The following RUNDC3B variants were observed in gnomAD, a reference collection of about 807,000 sequenced individuals.
RUNDC3B encodes the protein RUN domain-containing protein 3B.
In RUNDC3B, 33 loss-of-function variants were observed where a neutral mutation model predicts 58.4. The ratio of observed to expected loss-of-function variants is 0.56; its 90% CI spans 0.43 to 0.75. The LOEUF is 0.75. RUNDC3B is among the 30% of genes least tolerant of loss of function. The pLI is 0.00. For missense variants in RUNDC3B, 501 were observed against 535.7 expected, an observed-to-expected ratio of 0.94 and a Z score of 0.64; for synonymous variants, 193 against 195.2, an observed-to-expected ratio of 0.99 and a Z score of 0.10.
chr7:87,749,717 GA>G (rs955330432), intron 6 of RUNDC3B, among the ~76,000 whole-genome samples: 4 of 151,946 alleles, frequency 2.6e-5, no homozygotes, highest in African/African-American at 9.7e-5. Flanking sequence ...ATTCATGGTA[GA>G]AAAATTATAA....
chr7:87,727,215 G>A (rs1396535079), intron 4 of RUNDC3B, among the ~76,000 whole-genome samples: 5 of 152,006 alleles, frequency 3.3e-5, no homozygotes, highest in African/African-American at 1.2e-4. Flanking sequence ...TATGATATTC[G>A]CTGTGGGTTT....
At chr7:87,634,285 C>T (rs1821520865) in intron 1 of RUNDC3B, among the ~76,000 whole-genome samples, 1 of 152,068 alleles carries the variant, frequency 6.6e-6, no homozygotes. Context: ...TTGATGGGGG[C>T]AGACCAACCA....
intron 1 of RUNDC3B, among the ~76,000 whole-genome samples, chr7:87,647,937 C>T (rs1446745459): frequency 6.6e-6 from 1 of 152,038 alleles, no homozygotes; most frequent in Non-Finnish European, 1.5e-5. Context: ...GTAATCCCAA[C>T]ACTTTGGGAG....
At chr7:87,752,016 G>A (rs577968397) in intron 6 of RUNDC3B, among the ~76,000 whole-genome samples, 57 of 152,186 alleles carry the variant, frequency 3.7e-4, no homozygotes, top group African/African-American at 8.9e-4. Flanking sequence ...TGGGTTTGTC[G>A]TAGATAGCTG....
chr7:87,710,697 A>C (rs754239107), intron 4 of RUNDC3B, 42 bp downstream of exon 4: 1 of 1,103,608 alleles, frequency 9.1e-7, no homozygotes, highest in Non-Finnish European at 1.3e-6. Flanking sequence ...ATTTGAAAGA[A>C]TCACCTGAAG....
intron 8 of RUNDC3B, among the ~76,000 whole-genome samples, chr7:87,799,392 G>T (rs897699484): frequency 1.3e-5 from 2 of 152,150 alleles, no homozygotes; most frequent in East Asian, 1.9e-4. Flanking sequence ...TAGAGTATAT[G>T]TAACACCTTT....
At chr7:87,726,488 A>G (rs1178253011) in intron 4 of RUNDC3B, among the ~76,000 whole-genome samples, 1 of 152,150 alleles carries the variant, frequency 6.6e-6, no homozygotes, top group Admixed American at 6.5e-5. Flanking sequence ...TGTTTTGGTT[A>G]CTGTAGCATT....
intron 9 of RUNDC3B, among the ~76,000 whole-genome samples, chr7:87,814,615 T>A (rs901240362): frequency 1.3e-5 from 2 of 152,140 alleles, no homozygotes; most frequent in African/African-American, 4.8e-5. Flanking sequence ...ATATATAATA[T>A]ATGTAGACAA....
chr7:87,821,155 C>T lies in RUNDC3B; in HGVS notation c.1225+4893C>T, dbSNP rs547945146. 6.6e-5 allele frequency among the ~76,000 whole-genome samples: 10 copies of T among 151,652 alleles called. No homozygotes were observed. The South Asian group carries it at 2.1e-3, about 32-fold the overall frequency. On this transcript the variant is annotated intron_variant, in intron 10 of 10. Transcript: ENST00000394654. ...TCTAGAAAACCCCATTGTCTCAGCC[C>T]AAAATCTCCTTAAGCTGATAAGCAA...
chr7:87,777,191 A>G (rs1834683782), intron 7 of RUNDC3B, among the ~76,000 whole-genome samples: 1 of 152,222 alleles, frequency 6.6e-6, no homozygotes, highest in Non-Finnish European at 1.5e-5. Flanking sequence ...TATACATTGC[A>G]TGCAGTGTAC....
chr7:87,775,695 A>G (rs1297698717), intron 7 of RUNDC3B, among the ~76,000 whole-genome samples: 2 of 152,114 alleles, frequency 1.3e-5, no homozygotes, highest in African/African-American at 2.4e-5. Flanking sequence ...CTTTTATACC[A>G]TATTTTTACT....
intron 2 of RUNDC3B, among the ~76,000 whole-genome samples, chr7:87,660,553 A>C (rs1824592576): frequency 6.6e-6 from 1 of 151,814 alleles, no homozygotes; most frequent in Non-Finnish European, 1.5e-5. Flanking sequence ...TTTTTTCTTA[A>C]CCAGTATTGC....
intron 2 of RUNDC3B, among the ~76,000 whole-genome samples, chr7:87,668,888 A>G (rs1486829791): frequency 6.6e-6 from 1 of 152,034 alleles, no homozygotes; most frequent in African/African-American, 2.4e-5. Flanking sequence ...GGATTGTTTT[A>G]TTCCAATTAT....
intron 4 of RUNDC3B, among the ~76,000 whole-genome samples, chr7:87,726,221 T>G (rs940367491): frequency 6.6e-6 from 1 of 152,230 alleles, no homozygotes; most frequent in African/African-American, 2.4e-5. Context: ...TTTTGTGGTT[T>G]TAGGTCTAAC....
At chr7:87,798,749 T>C (rs927560764) in intron 8 of RUNDC3B, among the ~76,000 whole-genome samples, 15 of 152,226 alleles carry the variant, frequency 9.9e-5, no homozygotes, top group African/African-American at 3.4e-4. Context: ...AGTGTCAAGT[T>C]CTAAAGTGCA....
At chr7:87,671,130 C>T (rs1160469802) in intron 2 of RUNDC3B, among the ~76,000 whole-genome samples, 14 of 152,096 alleles carry the variant, frequency 9.2e-5, no homozygotes, top group Admixed American at 9.2e-4. Flanking sequence ...AGGGTCTGTA[C>T]TGTGGCCCCA....
At chr7:87,696,307 A>T (rs1416708750) in intron 2 of RUNDC3B, among the ~76,000 whole-genome samples, 3 of 152,090 alleles carry the variant, frequency 2.0e-5, no homozygotes, top group African/African-American at 7.2e-5. Flanking sequence ...AGGAGTGGTT[A>T]TTTATTACTT....
At chr7:87,792,192 C>G (rs768642352) in intron 8 of RUNDC3B, among the ~76,000 whole-genome samples, 4 of 152,062 alleles carry the variant, frequency 2.6e-5, no homozygotes, top group African/African-American at 7.2e-5. Flanking sequence ...GCAGCCAACA[C>G]TGGAGCACTC....
At chr7:87,636,333 A>G (rs368815937) in intron 1 of RUNDC3B, among the ~76,000 whole-genome samples, 13 of 152,330 alleles carry the variant, frequency 8.5e-5, no homozygotes, top group East Asian at 5.8e-4. Context: ...TAATGAAGTC[A>G]AGCACCTTTC....
Sources: allele counts gnomAD v4.1 joint callset (sites outside exome capture counted in the v4.1 genomes callset), GRCh38; gene constraint gnomAD v4.1.1; transcripts MANE v1.5; gene names NCBI Gene and HGNC (gene_info 2026-07-23, HGNC 2026-07-21).